RAPGEF4: variants seen among roughly 807,000 people sequenced by gnomAD.
The protein encoded by RAPGEF4 is Rap guanine nucleotide exchange factor 4.
In RAPGEF4, 66 loss-of-function variants were observed where a neutral mutation model predicts 147.9. The observed-to-expected ratio is 0.45, with a 90% confidence interval of 0.37 to 0.55. RAPGEF4 has a LOEUF of 0.55. Ranked by LOEUF, RAPGEF4 falls within the 20% of genes least tolerant of loss-of-function variation. The pLI, the probability that RAPGEF4 is intolerant of heterozygous loss-of-function variation, is 0.00. For missense variants in RAPGEF4, 1,071 were observed against 1,257.3 expected (o/e 0.85, Z 2.24); for synonymous variants, 419 against 442.7 (o/e 0.95, Z 0.67).
intron 29 of RAPGEF4, among the ~76,000 whole-genome samples, chr2:173,040,188 C>CAA (rs1293941383): frequency 8.9e-4 from 83 of 93,384 alleles, no homozygotes; most frequent in African/African-American, 2.7e-3. Context: ...GACTCCATCT[C>CAA]AAAAAAAAAA....
At chr2:172,941,022 C>G (rs1250574179) in intron 6 of RAPGEF4, among the ~76,000 whole-genome samples, 4 of 152,096 alleles carry the variant, frequency 2.6e-5, no homozygotes, top group African/African-American at 9.7e-5. Flanking sequence ...TCCAGTTGTT[C>G]ATTGCTGATA....
chr2:172,924,594 C>T (rs1486984532), intron 6 of RAPGEF4, among the ~76,000 whole-genome samples: 2 of 152,284 alleles, frequency 1.3e-5, no homozygotes, highest in African/African-American at 4.8e-5. Flanking sequence ...GGAAAGCTCT[C>T]CAATGCCATC....
chr2:173,001,475 C>T (rs2028934), intron 17 of RAPGEF4, 131 bp downstream of exon 17: 776,230 of 1,092,646 alleles, frequency 0.71, 280,342 homozygotes, highest in East Asian at 0.91. Context: ...CCTCATCACA[C>T]TGAAATGTGT....
chr2:172,831,844 A>C (rs1387302178), intron 4 of RAPGEF4, among the ~76,000 whole-genome samples: 1 of 152,144 alleles, frequency 6.6e-6, no homozygotes, highest in East Asian at 1.9e-4. Context: ...ACCTCTACTG[A>C]TCTACATTTC....
intron 9 of RAPGEF4, among the ~76,000 whole-genome samples, chr2:172,966,123 A>G (rs1689814195): frequency 6.6e-6 from 1 of 152,154 alleles, no homozygotes; most frequent in Non-Finnish European, 1.5e-5. Context: ...GGGAGAGCCA[A>G]TTTGTATACC....
intron 4 of RAPGEF4, among the ~76,000 whole-genome samples, chr2:172,849,916 G>C (rs899747115): frequency 1.3e-5 from 2 of 152,218 alleles, no homozygotes; most frequent in Non-Finnish European, 2.9e-5. Flanking sequence ...TGGTCTCCAT[G>C]GATCCACAGA....
intron 4 of RAPGEF4, among the ~76,000 whole-genome samples, chr2:172,822,907 T>C (rs1251714353): frequency 6.6e-6 from 1 of 152,170 alleles, no homozygotes; most frequent in African/African-American, 2.4e-5. Flanking sequence ...AAACATTTCA[T>C]CTCTAAGAAG....
At chr2:172,790,899 A>G (rs774976454) in intron 1 of RAPGEF4, among the ~76,000 whole-genome samples, 31 of 152,190 alleles carry the variant, frequency 2.0e-4, no homozygotes, top group Non-Finnish European at 3.8e-4. Flanking sequence ...CTATCACAGA[A>G]TACTGGAGAC....
intron 10 of RAPGEF4, among the ~76,000 whole-genome samples, chr2:172,973,096 C>T (rs1471727975): frequency 6.8e-6 from 1 of 147,842 alleles, no homozygotes; most frequent in Non-Finnish European, 1.5e-5. Flanking sequence ...TTTTCAAGCC[C>T]CTTTTTTTTT....
Position 173,051,950 on chromosome 2 carries a change from C to A in RAPGEF4, c.*183C>A. On this transcript the variant is annotated 3_prime_UTR_variant, in exon 31 of 31. Transcript: ENST00000397081. ...CCTAGCAAGAGAAGGAATTATTTGA[C>A]ATGCCTAAAGCTTACACACTCTAGC... The A allele has an allele frequency of 1.7e-6, 1 of 605,368 alleles. No individual in the cohort carries two copies. The highest frequency in any genetic ancestry group is 2.8e-6 in the Non-Finnish European group (1 of 361,400). The allele number at this position is 605,368 out of a possible 1,614,324, so 37.5% of individuals were successfully genotyped here.
chr2:172,908,165 C>T (rs1699798572), intron 4 of RAPGEF4, among the ~76,000 whole-genome samples: 2 of 152,228 alleles, frequency 1.3e-5, no homozygotes, highest in Non-Finnish European at 1.5e-5. Flanking sequence ...AGCCAGCAGC[C>T]AGATCAGAAT....
chr2:172,953,175 A>T (rs942059816), intron 6 of RAPGEF4, among the ~76,000 whole-genome samples: 8 of 150,630 alleles, frequency 5.3e-5, no homozygotes, highest in Admixed American at 1.3e-4. Context: ...CCACTTAAAA[A>T]ATATATATAT....
At chr2:172,836,737 G>T (rs1458626202) in intron 4 of RAPGEF4, among the ~76,000 whole-genome samples, 1 of 152,184 alleles carries the variant, frequency 6.6e-6, no homozygotes, top group African/African-American at 2.4e-5. Context: ...GAAATACAAC[G>T]AGGGCTGGAA....
intron 17 of RAPGEF4, among the ~76,000 whole-genome samples, chr2:173,006,976 G>C (rs1199886589): frequency 2.0e-5 from 3 of 152,134 alleles, no homozygotes; most frequent in African/African-American, 7.2e-5. Context: ...GTGATGTTAT[G>C]AACATGATAT....
chr2:172,849,702 G>A (rs1692601118), intron 4 of RAPGEF4, among the ~76,000 whole-genome samples: 1 of 152,210 alleles, frequency 6.6e-6, no homozygotes, highest in South Asian at 2.1e-4. Context: ...ACACTATCTT[G>A]ATGCTTGGGA....
chr2:172,873,177 A>G (rs1299116726), intron 4 of RAPGEF4, among the ~76,000 whole-genome samples: 4 of 152,186 alleles, frequency 2.6e-5, no homozygotes, highest in Non-Finnish European at 5.9e-5. Flanking sequence ...CAGCCAGACA[A>G]AGCAGAGATG....
At position 173,036,299 on chromosome 2, in the gene RAPGEF4, G is replaced by A. The variant is rs1324388830; in HGVS notation, c.2788+87G>A. On this transcript the variant is annotated intron_variant, in intron 28 of 30. Transcript: ENST00000397081. ...ATACCTTGATAAGATTGATTACTTA[G>A]GGAAGAATGATCGATCCCATCCTTC... The A allele has an allele frequency of 9.3e-6, 10 of 1,075,750 alleles. No homozygotes were observed. The African/African-American group carries it at 1.1e-4, about 12-fold the overall frequency. 66.6% of individuals were successfully genotyped at this position (1,075,750 alleles called of 1,614,324 possible).
intron 10 of RAPGEF4, among the ~76,000 whole-genome samples, chr2:172,972,399 G>A (rs772415529): frequency 8.5e-5 from 13 of 152,236 alleles, no homozygotes; most frequent in Non-Finnish European, 1.6e-4. Context: ...CTGCTGGGAT[G>A]TGTCAAGAGA....
At chr2:172,787,025 C>T (rs1488853591) in intron 1 of RAPGEF4, among the ~76,000 whole-genome samples, 2 of 152,202 alleles carry the variant, frequency 1.3e-5, no homozygotes, top group East Asian at 1.9e-4. Context: ...GCCTGGCCAA[C>T]GTGGTGAAAC....
Sources: gnomAD v4.1 joint callset for allele counts (sites outside exome capture counted in the v4.1 genomes callset) on GRCh38, gnomAD v4.1.1 for gene constraint, MANE v1.5 for transcripts, NCBI Gene and HGNC (gene_info 2026-07-23, HGNC 2026-07-21) for gene names.